The following PSG1 variants were observed in gnomAD, a reference collection of about 807,000 sequenced individuals.
PSG1 encodes pregnancy specific beta-1-glycoprotein 1.
In PSG1, 60 loss-of-function variants were observed where a neutral mutation model predicts 41.4. The observed-to-expected ratio is 1.45, with a 90% confidence interval of 1.18 to 1.80. The LOEUF (loss-of-function observed/expected upper bound fraction) is 1.80, where lower values mean the gene tolerates loss of function less well. Ranked by LOEUF, PSG1 falls within the 40% of genes most tolerant of loss-of-function variation. PSG1 has a pLI of 0.00. For missense variants in PSG1, 806 were observed against 516.9 expected (o/e 1.56, Z -5.42); for synonymous variants, 256 against 192.9 (o/e 1.33, Z -2.71).
Position 42,869,231 on chromosome 19 carries a change from G to A in PSG1, c.710-197C>T, listed in dbSNP as rs1389306028. The stretch of plus-strand genomic sequence containing the variant: ...CTGTGAGGCCGCCTTCTCTGTCTTA[G>A]GGAAGCACAGACTTTCTGAAGTGTC... On this transcript the variant is annotated intron_variant, in intron 3 of 5. Coordinates refer to ENST00000436291, the MANE Select transcript of PSG1 (RefSeq NM_001184825.2). 10 of 1,243,568 alleles carry A rather than the reference G, an allele frequency of 8.0e-6. No individual in the cohort carries two copies. The Admixed American group carries it at 1.1e-4, about 14-fold the overall frequency. 77.0% of individuals were successfully genotyped at this position (1,243,568 alleles called of 1,614,324 possible).
chr19:42,874,716 A>G (rs1971533173), intron 2 of PSG1, among the ~76,000 whole-genome samples: 1 of 151,612 alleles, frequency 6.6e-6, no homozygotes, highest in Admixed American at 6.6e-5. Context: ...ACCGAGTGAC[A>G]AATTTCAAGC....
intron 2 of PSG1, among the ~76,000 whole-genome samples, chr19:42,874,660 G>T (rs1270050667): frequency 6.6e-6 from 1 of 151,800 alleles, no homozygotes; most frequent in Non-Finnish European, 1.5e-5. Context: ...GGAGTTTAAT[G>T]AGTTGTTGCC....
chr19:42,866,675 A>G lies in PSG1; in HGVS notation c.*459T>C, dbSNP rs1971150841. The G allele has an allele frequency of 3.0e-6, 1 of 330,630 alleles. No individual in the cohort carries two copies. The highest frequency in any genetic ancestry group is 2.1e-5 in the African/African-American group (1 of 47,668). 20.5% of individuals were successfully genotyped at this position (330,630 alleles called of 1,614,324 possible). A position where few individuals can be genotyped will look rare whatever the true frequency, so the allele number is the denominator to read the frequency against. ...TGTTCATTTCTATTGGGAGCCCTGT[A>G]TGCAAGGTGGAGAGAGCCACATTTC... On this transcript the variant is annotated 3_prime_UTR_variant, in exon 6 of 6. Transcript: ENST00000436291.
chr19:42,868,266 G>T lies in PSG1; in HGVS notation c.1078C>A (p.Pro360Thr). 1 of 1,612,320 alleles carries T rather than the reference G, an allele frequency of 6.2e-7. No homozygotes were observed. The highest frequency in any genetic ancestry group is 1.3e-5 in the African/African-American group (1 of 74,744). ...LYLSCSADSN[P>T]PAQYSWTINE... is the part of the protein sequence containing the mutation. ...ATTGTCCAAGAATACTGTGCCGGTG[G>T]GTTAGAGTCCGCAGAACAGGACAAG... The change falls in exon 5 of 6, where the codon CCA becomes ACA. Residue 360 changes from proline to threonine, a missense_variant. Transcript: ENST00000436291.
rs577604551 is a variant in PSG1 at position 42,871,772 on chromosome 19, A to T, written c.704T>A (p.Leu235His). The change falls in exon 3 of 6, where the codon CTC becomes CAC. Residue 235 changes from leucine to histidine, a missense_variant. By Grantham distance (99) the Leu-to-His change is moderately conservative. Transcript: ENST00000436291. ...GAGGAACAGAAGATACTCACGGAGG[A>T]GATTCAGGGTGACTGGGTCACTGCG... Reference protein sequence around the residue: ...ASRSDPVTLNLLPKLPKPYIT... With the variant: ...ASRSDPVTLNHLPKLPKPYIT... 6.2e-7 allele frequency: 1 copy of T among 1,612,516 alleles called. No homozygotes were observed. The highest frequency in any genetic ancestry group is 8.5e-7 in the Non-Finnish European group (1 of 1,179,238).
Position 42,879,551 on chromosome 19 carries a change from G to C in PSG1, c.31C>G (p.Gln11Glu), listed in dbSNP as rs778150750. 37 of 1,610,666 alleles carry C rather than the reference G, an allele frequency of 2.3e-5. 1 individual carries two copies. The South Asian group carries it at 3.0e-4, about 13-fold the overall frequency. Residue 11 changes from glutamine to glutamate, a missense_variant, in exon 1 of 6, where the codon CAG becomes GAG. Physicochemically the swap from Gln to Glu is conservative, Grantham distance 29. Coordinates refer to ENST00000436291, the MANE Select transcript of PSG1 (RefSeq NM_001184825.2). ...AGGAGCCCCTTCCATTTGATGCGCT[G>C]TGTGCAGGGAGGGGCTGAGAGGGTT... MGTLSAPPCT[Q>E]RIKWKGLLLT...
intron 3 of PSG1, 25 bp from the exon 4 acceptor site, chr19:42,869,059 T>G: frequency 1.3e-6 from 2 of 1,598,586 alleles, no homozygotes; most frequent in Non-Finnish European, 1.7e-6. Flanking sequence ...GAGAGAAGAT[T>G]GTCCTGTGTG....
intron 2 of PSG1, among the ~76,000 whole-genome samples, 179 bp downstream of exon 2, chr19:42,877,734 A>C (rs1017569238): frequency 6.6e-6 from 1 of 151,670 alleles, no homozygotes; most frequent in Non-Finnish European, 1.5e-5. Flanking sequence ...GCAGGAAAGG[A>C]ATTCTGATCT....
In PSG1 at chr19:42,868,897, T is replaced by A. The variant is rs1485644968; in HGVS notation, c.847A>T (p.Ser283Cys). 6.2e-7 allele frequency: 1 copy of A among 1,610,588 alleles called. No homozygotes were observed. The highest frequency in any genetic ancestry group is 1.3e-5 in the African/African-American group (1 of 74,684). ...TCAATGGGTCGCTTTACCCTGGGACTGACCGGGAGGCTCTGACCATTTAGC... is the reference window on the plus strand; with the variant it reads ...TCAATGGGTCGCTTTACCCTGGGACAGACCGGGAGGCTCTGACCATTTAGC... The part of the protein sequence containing the change: ...WWLNGQSLPV[S>C]PRVKRPIENR... Residue 283 changes from serine to cysteine, a missense_variant, in exon 4 of 6, where the codon AGT becomes TGT. Transcript: ENST00000436291.
At chr19:42,867,863 C>A in intron 5 of PSG1, 2 of 1,333,462 alleles carry the variant, frequency 1.5e-6, no homozygotes, top group South Asian at 1.5e-5. Flanking sequence ...TCAATTATTT[C>A]AATGAAATCA....
chr19:42,872,291 T>C (rs1293953095), intron 2 of PSG1, among the ~76,000 whole-genome samples: 2 of 151,534 alleles, frequency 1.3e-5, no homozygotes, highest in Non-Finnish European at 2.9e-5. Context: ...CATTGGGTCA[T>C]GGAAAGACAC....
At position 42,866,892 on chromosome 19, in the gene PSG1, G is replaced by T. The variant is rs562493461; in HGVS notation, c.*242C>A. 1.2e-5 allele frequency: 8 copies of T among 660,372 alleles called. No homozygotes were observed. Among genetic ancestry groups the T allele is most frequent in the South Asian group, 6.7e-5 (4 of 59,618 alleles). 40.9% of individuals were successfully genotyped at this position (660,372 alleles called of 1,614,324 possible). ...ATGGGGAGTCTTGTTCTGACATCTT[G>T]GGAAAAACTGTCCACAGTGTGAAGT... On this transcript the variant is annotated 3_prime_UTR_variant, in exon 6 of 6. Coordinates refer to ENST00000436291, the MANE Select transcript of PSG1 (RefSeq NM_001184825.2).
rs1450671135 is a variant in PSG1, at chr19:42,867,019, C to A, written c.*115G>T. 3.9e-6 allele frequency: 3 copies of A among 766,666 alleles called. No individual in the cohort carries two copies. The highest frequency in any genetic ancestry group is 7.2e-6 in the Non-Finnish European group (3 of 417,416). The allele number at this position is 766,666 out of a possible 1,614,324, so 47.5% of individuals were successfully genotyped here. On this transcript the variant is annotated 3_prime_UTR_variant, in exon 6 of 6. Coordinates refer to ENST00000436291, the MANE Select transcript of PSG1 (RefSeq NM_001184825.2). ...CTCATGCTTCACGTACAAGGGTTTT[C>A]CCATGAAATTTACATTGAGTTGTCC...
chr19:42,868,564 A>C (rs112725946), intron 4 of PSG1, among the ~76,000 whole-genome samples, 192 bp downstream of exon 4: 1 of 150,742 alleles, frequency 6.6e-6, no homozygotes, highest in Admixed American at 6.6e-5. Context: ...TGATAAGAGC[A>C]TCCCCTCCCC....
In PSG1 at chr19:42,878,095, A is replaced by G; in HGVS notation, c.248T>C (p.Val83Ala). 3 of 1,612,286 alleles carry G rather than the reference A, an allele frequency of 1.9e-6. No individual in the cohort carries two copies. The highest frequency in any genetic ancestry group is 2.5e-6 in the Non-Finnish European group (3 of 1,179,122). The change falls in exon 2 of 6, where the codon GTA (valine) becomes GCA (alanine). Residue 83 changes from valine to alanine, a missense_variant. By Grantham distance (64) the Val-to-Ala change is moderately conservative. Coordinates refer to ENST00000436291, the MANE Select transcript of PSG1 (RefSeq NM_001184825.2). ...ATATATAATTATTTCACCGTCTACT[A>G]CATATGATGTAATGTAATGGTAGAG... ...RDLYHYITSY[V>A]VDGEIIIYGP...
At chr19:42,876,579 C>T (rs913347789) in intron 2 of PSG1, among the ~76,000 whole-genome samples, 2 of 151,342 alleles carry the variant, frequency 1.3e-5, no homozygotes, top group Admixed American at 1.3e-4. Flanking sequence ...TCTCGCTGGG[C>T]CTGTGGTGGT....
chr19:42,872,162 C>T lies in PSG1; in HGVS notation c.431-117G>A, dbSNP rs1232786080. 29 of 1,410,432 alleles carry T rather than the reference C, an allele frequency of 2.1e-5. 2 individuals carry two copies. Among genetic ancestry groups the T allele is most frequent in the Middle Eastern group, 2.3e-4 (1 of 4,288 alleles). The allele number at this position is 1,410,432 out of a possible 1,614,324, so 87.4% of individuals were successfully genotyped here. Reference sequence around the variant, plus strand: ...CAGCCCACCCAAGTCCTTAAAAGCCCATGGCAGGTGTGTGTGATACAAGAC... The same window carrying T: ...CAGCCCACCCAAGTCCTTAAAAGCCTATGGCAGGTGTGTGTGATACAAGAC... On this transcript the variant is annotated intron_variant, in intron 2 of 5. Transcript: ENST00000436291.
At chr19:42,869,869 T>G (rs1971306976) in intron 3 of PSG1, 1 of 151,608 alleles carries the variant, frequency 6.6e-6, no homozygotes, top group Non-Finnish European at 1.5e-5. Flanking sequence ...AACTGACTGG[T>G]AGAAAGGGTG....
intron 2 of PSG1, among the ~76,000 whole-genome samples, chr19:42,873,644 T>A (rs1971485933): frequency 6.6e-6 from 1 of 151,678 alleles, no homozygotes; most frequent in Non-Finnish European, 1.5e-5. Flanking sequence ...CACGTTATGC[T>A]CAAAGAAAGA....
Sources: allele counts gnomAD v4.1 joint callset (sites outside exome capture counted in the v4.1 genomes callset), GRCh38; gene constraint gnomAD v4.1.1; transcripts MANE v1.5; gene names NCBI Gene and HGNC (gene_info 2026-07-23, HGNC 2026-07-21).